Variants in OR7E24 observed in about 807,000 individuals in gnomAD.
OR7E24 encodes olfactory receptor 7E24.
For synonymous variants in OR7E24, 130 were observed against 157.5 expected (o/e 0.83, Z 1.31); for missense variants, 385 against 410.3 (o/e 0.94, Z 0.53).
At chr19:9,247,629 G>A (rs930678756), upstream of OR7E24, 26 of 398,308 alleles carry the variant, frequency 6.5e-5, no homozygotes, top group African/African-American at 4.3e-4. Context: ...TCAGACGACT[G>A]TGGAGTTTAT....
the OR7E24 span, chr19:9,213,731 C>G: frequency 1.6e-6 from 1 of 611,430 alleles, no homozygotes; most frequent in Non-Finnish European, 2.9e-6. Context: ...GAGCCAGACT[C>G]TGTCTCAAAA....
At chr19:9,207,896 A>C in the OR7E24 span, 1 of 152,196 alleles carries the variant, frequency 6.6e-6, no homozygotes, top group Non-Finnish European at 1.5e-5. Flanking sequence ...CAGTGTTTAG[A>C]GGCTGCTGCC....
the OR7E24 span, among the ~76,000 whole-genome samples, chr19:9,234,641 T>G: frequency 6.6e-6 from 1 of 152,318 alleles, no homozygotes; most frequent in South Asian, 2.1e-4. Flanking sequence ...TACCCTGATG[T>G]GATTATTATG....
At position 9,251,060 on chromosome 19, in the gene OR7E24, T is replaced by G; in HGVS notation, c.17T>G (p.Ile6Ser). The change falls in exon 1 of 1, where the codon ATT becomes AGT. Residue 6 changes from isoleucine to serine, a missense_variant. By Grantham distance (142) the Ile-to-Ser change is moderately radical. Transcript: ENST00000456448. ...GGTTTACTTATGTCCTATTTTCCAA[T>G]TCTCTTTTTTTTTTTCCTCAAAAGG... MSYFPILFFFFLKRCP... is the reference protein window; with the variant it reads MSYFPSLFFFFLKRCP... The G allele has an allele frequency of 1.3e-6, 2 of 1,589,754 alleles. No homozygotes were observed. Among genetic ancestry groups the G allele is most frequent in the Non-Finnish European group, 1.7e-6 (2 of 1,167,910 alleles).
chr19:9,246,466 T>TTGTGTGTGTG (rs34518365), upstream of OR7E24, among the ~76,000 whole-genome samples: 1,603 of 131,024 alleles, frequency 0.012, 17 homozygotes, highest in African/African-American at 0.014. Context: ...CTTAAAGGTA[T>TTGTGTGTGTG]TGTGTGTGTG....
upstream of OR7E24, among the ~76,000 whole-genome samples, chr19:9,242,783 G>A (rs73920713): frequency 1.6e-3 from 245 of 152,154 alleles, no homozygotes; most frequent in African/African-American, 5.5e-3. Context: ...TAACTGAGAC[G>A]TTGCTTCCTT....
the OR7E24 span, chr19:9,235,082 G>A: frequency 6.3e-6 from 4 of 631,048 alleles, no homozygotes; most frequent in East Asian, 2.7e-5. Flanking sequence ...GCATCCAAGG[G>A]TGATATTGAA....
At chr19:9,234,468 C>T in the OR7E24 span, among the ~76,000 whole-genome samples, 4 of 152,188 alleles carry the variant, frequency 2.6e-5, no homozygotes, top group East Asian at 3.9e-4. Flanking sequence ...AAAAAATAAA[C>T]GTACACTTAG....
In OR7E24 at chr19:9,251,454, C is replaced by T; in HGVS notation, c.411C>T (p.Ala137=). ...CMDDMLLSVM[A]YDRFVAICHP... ...ATGACATGCTCCTGAGTGTGATGGC[C>T]TATGACCGGTTTGTGGCCATCTGTC... Residue 137 remains alanine (A), a synonymous_variant, in exon 1 of 1, where the codon GCC becomes GCT. Transcript: ENST00000456448. The T allele has an allele frequency of 3.1e-6, 5 of 1,614,134 alleles. No individual in the cohort carries two copies. The highest frequency in any genetic ancestry group is 4.2e-6 in the Non-Finnish European group (5 of 1,180,024).
rs1315060439 is a variant in OR7E24, at chr19:9,252,092, CT to C, written c.*30del. The C allele has an allele frequency of 6.3e-6, 10 of 1,575,510 alleles. No homozygotes were observed. In the South Asian group the frequency reaches 1.1e-4, roughly 18 times the overall value. Reference sequence around the variant, plus strand: ...TGGCAGCAAAATTTAACACCTAGGCCTGCAAATTCTGCCTCCTTGGTCACAT... The same window carrying C: ...TGGCAGCAAAATTTAACACCTAGGCCGCAAATTCTGCCTCCTTGGTCACAT... On this transcript the variant is annotated 3_prime_UTR_variant, in exon 1 of 1. Coordinates refer to ENST00000456448, the MANE Select transcript of OR7E24 (RefSeq NM_001079935.2).
At chr19:9,232,262 G>A in the OR7E24 span, among the ~76,000 whole-genome samples, 5 of 151,992 alleles carry the variant, frequency 3.3e-5, no homozygotes, top group African/African-American at 1.2e-4. Context: ...CTATATGGCC[G>A]GGCTCGGTGG....
upstream of OR7E24, chr19:9,247,269 G>A: frequency 2.6e-6 from 1 of 386,506 alleles, no homozygotes; most frequent in Non-Finnish European, 4.6e-6. Context: ...TTTGGCTAAT[G>A]AGGAGCTCTG....
At chr19:9,214,576 G>A in the OR7E24 span, 276,575 of 1,613,596 alleles carry the variant, frequency 0.17, 24,793 homozygotes, top group East Asian at 0.23. Context: ...TCTTTGCTCC[G>A]TGCCTGGATG....
chr19:9,232,012 GGTAAGAGA>G, the OR7E24 span, among the ~76,000 whole-genome samples: 1 of 152,058 alleles, frequency 6.6e-6, no homozygotes, highest in South Asian at 2.1e-4. Context: ...AGCTAGTGAG[GGTAAGAGA>G]GTCCTTGGCA....
the OR7E24 span, among the ~76,000 whole-genome samples, chr19:9,233,546 G>A: frequency 4.6e-5 from 7 of 152,084 alleles, no homozygotes; most frequent in Admixed American, 4.6e-4. Flanking sequence ...TCTCTTCTTG[G>A]AAGAATCACC....
At chr19:9,215,784 C>A in the OR7E24 span, among the ~76,000 whole-genome samples, 1 of 152,112 alleles carries the variant, frequency 6.6e-6, no homozygotes, top group Non-Finnish European at 1.5e-5. Flanking sequence ...ATAACTCTTC[C>A]AAGGTATAGC....
At chr19:9,242,138 T>C in the OR7E24 span, among the ~76,000 whole-genome samples, 2 of 152,216 alleles carry the variant, frequency 1.3e-5, no homozygotes, top group Non-Finnish European at 2.9e-5. Context: ...CTGGAAGAAA[T>C]TGGATGAAAA....
At chr19:9,249,984 T>A (rs2066140678), upstream of OR7E24, among the ~76,000 whole-genome samples, 4 of 152,176 alleles carry the variant, frequency 2.6e-5, no homozygotes, top group South Asian at 8.3e-4. Context: ...ATTAAAAGCA[T>A]TTTAACATTA....
At chr19:9,219,813 C>A in the OR7E24 span, among the ~76,000 whole-genome samples, 1 of 152,068 alleles carries the variant, frequency 6.6e-6, no homozygotes, top group African/African-American at 2.4e-5. Context: ...ATGAAATAGG[C>A]AGTGGTAGGG....
Sources: gnomAD v4.1 joint callset for allele counts (sites outside exome capture counted in the v4.1 genomes callset) on GRCh38, gnomAD v4.1.1 for gene constraint, MANE v1.5 for transcripts, NCBI Gene and HGNC (gene_info 2026-07-23, HGNC 2026-07-21) for gene names.